The following SLC12A6 variants were observed in gnomAD, a reference collection of about 807,000 sequenced individuals.
SLC12A6 encodes solute carrier family 12 member 6.
SLC12A6 carries 66 observed loss-of-function variants against 135.3 expected under a neutral mutation model. The observed-to-expected ratio is 0.49, with a 90% confidence interval of 0.40 to 0.60. The LOEUF (loss-of-function observed/expected upper bound fraction) is 0.60, where lower values mean the gene tolerates loss of function less well. SLC12A6 is among the 20% of genes least tolerant of loss of function. SLC12A6 has a pLI of 0.00. For synonymous variants in SLC12A6, 513 were observed against 508.8 expected, an observed-to-expected ratio of 1.01 and a Z score of -0.11; for missense variants, 1,058 against 1,452.3, an observed-to-expected ratio of 0.73 and a Z score of 4.41.
chr15:34,307,933 T>C (rs113908681), intron 2 of SLC12A6, among the ~76,000 whole-genome samples: 7 of 152,314 alleles, frequency 4.6e-5, no homozygotes, highest in African/African-American at 1.7e-4. Context: ...ATAAATGAGA[T>C]CTAATTTACC....
intron 2 of SLC12A6, among the ~76,000 whole-genome samples, chr15:34,276,903 T>C (rs1894334221): frequency 6.6e-6 from 1 of 152,180 alleles, no homozygotes; most frequent in Non-Finnish European, 1.5e-5. Context: ...TTCTGATGTA[T>C]ATTGGAGTAT....
At chr15:34,317,964 TA>T (rs1239875163) in intron 2 of SLC12A6, among the ~76,000 whole-genome samples, 1 of 152,214 alleles carries the variant, frequency 6.6e-6, no homozygotes, top group East Asian at 1.9e-4. Flanking sequence ...ATACTTTTTT[TA>T]ACCTGATGCT....
chr15:34,249,950 G>A (rs1173471260), intron 13 of SLC12A6, among the ~76,000 whole-genome samples: 1 of 152,152 alleles, frequency 6.6e-6, no homozygotes, highest in Non-Finnish European at 1.5e-5. Context: ...TGTCACCCAG[G>A]CTGGAGTACG....
chr15:34,264,925 A>G (rs1045441329), intron 3 of SLC12A6, among the ~76,000 whole-genome samples: 9 of 152,202 alleles, frequency 5.9e-5, no homozygotes, highest in Non-Finnish European at 1.2e-4. Context: ...GGCTGGGTGC[A>G]GTGGCTCATG....
At chr15:34,239,198 A>ACT in intron 19 of SLC12A6, 38 bp from the exon 20 acceptor site, 1 of 1,443,402 alleles carries the variant, frequency 6.9e-7, no homozygotes, top group Middle Eastern at 1.9e-4. Flanking sequence ...GAACTGGTTC[A>ACT]CTCTGGACAT....
chr15:34,238,529 A>G (rs1262923937), intron 20 of SLC12A6, 128 bp from the exon 21 acceptor site: 1 of 740,324 alleles, frequency 1.4e-6, no homozygotes, highest in East Asian at 2.7e-5. Context: ...TTAGTAGGTT[A>G]TTTCTCATTA....
At position 34,308,353 on chromosome 15, in the gene SLC12A6, G is replaced by A. The variant is rs369383852; in HGVS notation, c.271+28057C>T. Among the ~76,000 whole-genome samples, 31 of 152,184 alleles carry A rather than the reference G, an allele frequency of 2.0e-4. 1 individual carries two copies. The East Asian group carries it at 3.3e-3, about 16-fold the overall frequency. On this transcript the variant is annotated intron_variant, in intron 2 of 25. Coordinates refer to ENST00000354181, the MANE Select transcript of SLC12A6 (RefSeq NM_001365088.1). Reference sequence around the variant, plus strand: ...GACTGTTGGATTAAGGGTTGGGCACGGTGGCTCATGCCTGTAATCCCAGCA... The same window carrying A: ...GACTGTTGGATTAAGGGTTGGGCACAGTGGCTCATGCCTGTAATCCCAGCA...
intron 16 of SLC12A6, among the ~76,000 whole-genome samples, chr15:34,243,196 A>G (rs539499254): frequency 6.6e-6 from 1 of 152,282 alleles, no homozygotes; most frequent in Non-Finnish European, 1.5e-5. Flanking sequence ...CCGGCCTCAT[A>G]AAGAACTTCT....
intron 22 of SLC12A6, 156 bp downstream of exon 22, chr15:34,237,263 G>A: frequency 1.6e-6 from 1 of 622,158 alleles, no homozygotes; most frequent in South Asian, 2.0e-5. Context: ...TTCTACTTAG[G>A]GCAACAAATT....
At chr15:34,258,089 G>C (rs1892876690) in intron 5 of SLC12A6, among the ~76,000 whole-genome samples, 1 of 152,164 alleles carries the variant, frequency 6.6e-6, no homozygotes, top group African/African-American at 2.4e-5. Flanking sequence ...TTAAAATTTT[G>C]TTTTTCAAAG....
chr15:34,254,297 T>C (rs539248352), intron 9 of SLC12A6, 51 bp downstream of exon 9: 26 of 1,555,668 alleles, frequency 1.7e-5, no homozygotes, highest in Admixed American at 3.3e-5. Context: ...CCACCAGATA[T>C]TTTCAATTAC....
chr15:34,291,278 AT>A (rs1895505539), intron 2 of SLC12A6, among the ~76,000 whole-genome samples: 1 of 152,186 alleles, frequency 6.6e-6, no homozygotes, highest in African/African-American at 2.4e-5. Flanking sequence ...TGGGTTGAAA[AT>A]TCTTTTCTTT....
At chr15:34,236,935 C>A (rs1891307730) in intron 22 of SLC12A6, 120 bp from the exon 23 acceptor site, 2 of 706,866 alleles carry the variant, frequency 2.8e-6, no homozygotes. Flanking sequence ...TTAACCTAAG[C>A]TTCACCCTTA....
At chr15:34,290,867 A>T (rs992651324) in intron 2 of SLC12A6, among the ~76,000 whole-genome samples, 1 of 152,034 alleles carries the variant, frequency 6.6e-6, no homozygotes, top group African/African-American at 2.4e-5. Context: ...TTTTGAGCCT[A>T]TGTGTGTCTT....
intron 2 of SLC12A6, among the ~76,000 whole-genome samples, chr15:34,310,501 T>C (rs1301748302): frequency 8.7e-6 from 1 of 115,508 alleles, no homozygotes; most frequent in Non-Finnish European, 1.8e-5. Flanking sequence ...TGTGTATGTA[T>C]GTGTGTGTCC....
At chr15:34,329,004 AAAG>A (rs1889660028) in intron 2 of SLC12A6, among the ~76,000 whole-genome samples, 1 of 152,260 alleles carries the variant, frequency 6.6e-6, no homozygotes, top group Non-Finnish European at 1.5e-5. Context: ...AACTTCATTA[AAAG>A]AATACATTGT....
chr15:34,327,657 CAA>C (rs80177584), intron 2 of SLC12A6, among the ~76,000 whole-genome samples: 3 of 131,106 alleles, frequency 2.3e-5, no homozygotes, highest in South Asian at 2.4e-4. Flanking sequence ...GACTCTGTCT[CAA>C]AAAAAAAAAA....
At chr15:34,240,870 A>G (rs1442706380) in intron 18 of SLC12A6, 41 bp from the exon 19 acceptor site, 1 of 1,550,650 alleles carries the variant, frequency 6.4e-7, no homozygotes. Flanking sequence ...AGGAGAAAAC[A>G]TTTTGGGTTT....
chr15:34,238,671 A>C, intron 20 of SLC12A6: 1 of 598,516 alleles, frequency 1.7e-6, no homozygotes, highest in Non-Finnish European at 3.0e-6. Context: ...GATGCTGAAG[A>C]ACAATTCTTG....
Sources: allele counts gnomAD v4.1 joint callset (sites outside exome capture counted in the v4.1 genomes callset), GRCh38; gene constraint gnomAD v4.1.1; transcripts MANE v1.5; gene names NCBI Gene and HGNC (gene_info 2026-07-23, HGNC 2026-07-21).